Variants in MACROD2 observed in about 807,000 individuals in gnomAD.
MACROD2 encodes mono-ADP ribosylhydrolase 2.
A neutral mutation model predicts 70.4 loss-of-function variants in MACROD2; 36 were observed. The observed-to-expected ratio is 0.51, with a 90% CI of 0.39 to 0.68. The LOEUF (loss-of-function observed/expected upper bound fraction) is 0.68. Ranked by LOEUF, MACROD2 falls within the 30% of genes least tolerant of loss-of-function variation. The pLI is 0.00. For synonymous variants in MACROD2, 172 were observed against 178.8 expected, an observed-to-expected ratio of 0.96 and a Z score of 0.30; for missense variants, 496 against 538.4, an observed-to-expected ratio of 0.92 and a Z score of 0.78.
chr20:15,055,146 C>T (rs537401290), intron 5 of MACROD2, among the ~76,000 whole-genome samples: 1 of 152,074 alleles, frequency 6.6e-6, no homozygotes, highest in African/African-American at 2.4e-5. Context: ...GACAGGGTTT[C>T]GCCATGTTGG....
chr20:15,865,121 A>G (rs945686033), intron 9 of MACROD2, among the ~76,000 whole-genome samples: 1 of 152,172 alleles, frequency 6.6e-6, no homozygotes, highest in Non-Finnish European at 1.5e-5. Context: ...TCCCAATGCA[A>G]TAATGATAAT....
intron 9 of MACROD2, among the ~76,000 whole-genome samples, chr20:15,868,584 T>A (rs1293328980): frequency 6.7e-6 from 1 of 148,558 alleles, no homozygotes; most frequent in Non-Finnish European, 1.5e-5. Context: ...GTTTCATTGC[T>A]TCTTGGGCTA....
chr20:14,199,262 C>T (rs184166349), intron 3 of MACROD2, among the ~76,000 whole-genome samples: 11 of 152,190 alleles, frequency 7.2e-5, no homozygotes, highest in Admixed American at 6.5e-4. Context: ...TGTTGTACGT[C>T]GGTGAGTGAC....
chr20:15,977,252 A>G (rs983686490), intron 13 of MACROD2, among the ~76,000 whole-genome samples: 2 of 152,218 alleles, frequency 1.3e-5, no homozygotes, highest in African/African-American at 4.8e-5. Context: ...CTCAGTAAAC[A>G]AACAGTGAAG....
intron 5 of MACROD2, among the ~76,000 whole-genome samples, chr20:15,145,324 A>T (rs2076222424): frequency 6.6e-6 from 1 of 152,162 alleles, no homozygotes; most frequent in East Asian, 1.9e-4. Context: ...TGCTTTTCCA[A>T]ATTGAAGTTC....
At chr20:15,131,897 G>T (rs1445324691) in intron 5 of MACROD2, among the ~76,000 whole-genome samples, 1 of 151,794 alleles carries the variant, frequency 6.6e-6, no homozygotes, top group Non-Finnish European at 1.5e-5. Flanking sequence ...TTAAGATAAT[G>T]ATATATATGT....
chr20:14,903,398 C>G (rs537155820), intron 5 of MACROD2, among the ~76,000 whole-genome samples: 3 of 152,174 alleles, frequency 2.0e-5, no homozygotes, highest in East Asian at 3.9e-4. Flanking sequence ...ATGATCATAT[C>G]AAAGACCAAA....
At chr20:14,683,465 G>A (rs952959397) in intron 4 of MACROD2, among the ~76,000 whole-genome samples, 1 of 152,194 alleles carries the variant, frequency 6.6e-6, no homozygotes, top group South Asian at 2.1e-4. Flanking sequence ...AACATGCAGT[G>A]TAGCGTAGTC....
At chr20:14,476,015 A>G (rs2084590488) in intron 3 of MACROD2, among the ~76,000 whole-genome samples, 1 of 152,158 alleles carries the variant, frequency 6.6e-6, no homozygotes, top group African/African-American at 2.4e-5. Context: ...ATAAATGAAT[A>G]TTTAGAAAAT....
At chr20:15,050,533 CTTTTTTTTTTTTTTTT>C (rs386393390) in intron 5 of MACROD2, among the ~76,000 whole-genome samples, 1 of 77,876 alleles carries the variant, frequency 1.3e-5, no homozygotes. Flanking sequence ...CTATTTAGGT[CTTTTTTTTTTTTTTTT>C]TTTTTTTTTT....
chr20:15,515,396 C>T (rs1430009331), intron 8 of MACROD2, among the ~76,000 whole-genome samples: 2 of 152,182 alleles, frequency 1.3e-5, no homozygotes, highest in African/African-American at 4.8e-5. Flanking sequence ...AAACACATGG[C>T]TCTTGAGATT....
chr20:14,802,091 G>A (rs1357574261), intron 5 of MACROD2, among the ~76,000 whole-genome samples: 5 of 151,914 alleles, frequency 3.3e-5, no homozygotes, highest in Admixed American at 1.3e-4. Context: ...AGGGCATCTC[G>A]GCCCATCATC....
chr20:15,945,118 T>G (rs1176408804), intron 12 of MACROD2, among the ~76,000 whole-genome samples: 2 of 152,186 alleles, frequency 1.3e-5, no homozygotes, highest in African/African-American at 4.8e-5. Flanking sequence ...ATAAGAACAC[T>G]AATAGCACCT....
In MACROD2 at chr20:14,549,243, TG is replaced by T. The variant is rs1413847475; in HGVS notation, c.301+55741del. Among the ~76,000 whole-genome samples, 3 of 152,306 alleles carry T rather than the reference TG, an allele frequency of 2.0e-5. No individual in the cohort carries two copies. In the East Asian group the frequency reaches 5.8e-4, roughly 29 times the overall value. On this transcript the variant is annotated intron_variant, in intron 4 of 17. Coordinates refer to ENST00000684519, the MANE Select transcript of MACROD2 (RefSeq NM_001351661.2). ...TATAGGCTGGGCTAGAATCTATATT[TG>T]GGGGGAGAGGAGGAATTACTTAAGA...
intron 12 of MACROD2, among the ~76,000 whole-genome samples, chr20:15,945,417 C>G (rs1375830950): frequency 6.6e-6 from 1 of 152,168 alleles, no homozygotes; most frequent in African/African-American, 2.4e-5. Flanking sequence ...CAACCATTCT[C>G]CTATGATAAA....
chr20:15,750,566 A>G (rs990645217), intron 8 of MACROD2, among the ~76,000 whole-genome samples: 1 of 151,796 alleles, frequency 6.6e-6, no homozygotes, highest in Admixed American at 6.6e-5. Context: ...TCCTCAAAAA[A>G]AAAAATATAG....
chr20:15,646,392 A>G (rs979523004), intron 8 of MACROD2, among the ~76,000 whole-genome samples: 1 of 152,190 alleles, frequency 6.6e-6, no homozygotes, highest in Non-Finnish European at 1.5e-5. Flanking sequence ...AAAATGTATT[A>G]AGGTGGAAAT....
intron 8 of MACROD2, among the ~76,000 whole-genome samples, chr20:15,593,749 T>G (rs916494540): frequency 2.6e-5 from 4 of 152,198 alleles, no homozygotes; most frequent in Non-Finnish European, 5.9e-5. Context: ...CTTTATTTCA[T>G]TTTTTTCTGA....
chr20:14,872,882 A>G (rs190286548), intron 5 of MACROD2, among the ~76,000 whole-genome samples: 4 of 152,192 alleles, frequency 2.6e-5, no homozygotes, highest in Admixed American at 6.5e-5. Flanking sequence ...AGGGGAAGCA[A>G]GGTACCTTCT....
Sources: gnomAD v4.1 joint callset for allele counts (sites outside exome capture counted in the v4.1 genomes callset) on GRCh38, gnomAD v4.1.1 for gene constraint, MANE v1.5 for transcripts, NCBI Gene and HGNC (gene_info 2026-07-23, HGNC 2026-07-21) for gene names.